The following FBXL19 variants were observed in gnomAD, a reference collection of about 807,000 sequenced individuals.
The protein encoded by FBXL19 is F-box and leucine rich repeat protein 19.
In FBXL19, 16 loss-of-function variants were observed where a neutral mutation model predicts 71.2. The ratio of observed to expected loss-of-function variants is 0.22; its 90% confidence interval spans 0.15 to 0.34. The LOEUF (loss-of-function observed/expected upper bound fraction) is 0.34, where lower values mean the gene tolerates loss of function less well. Ranked by LOEUF, FBXL19 falls within the 10% of genes least tolerant of loss-of-function variation. The pLI, the probability that FBXL19 is intolerant of heterozygous loss-of-function variation, is 1.00. For synonymous variants in FBXL19, 447 were observed against 409.4 expected (o/e 1.09, Z -1.11); for missense variants, 658 against 968.2 (o/e 0.68, Z 4.25).
At position 30,925,981 on chromosome 16, in the gene FBXL19, C is replaced by T. The variant is rs1430707578; in HGVS notation, c.177+50C>T. 5 of 1,430,200 alleles carry T rather than the reference C, an allele frequency of 3.5e-6. No individual in the cohort carries two copies. Among genetic ancestry groups the T allele is most frequent in the Non-Finnish European group, 4.6e-6 (5 of 1,094,686 alleles). 88.6% of individuals were successfully genotyped at this position (1,430,200 alleles called of 1,614,324 possible). A position where few individuals can be genotyped will look rare whatever the true frequency, so the allele number is the denominator to read the frequency against. ...CTCTGCCCACCCTTCCCAATACCTT[C>T]TTGGAATGGCTGGTGACTGCCTCCC... On this transcript the variant is annotated intron_variant, in intron 2 of 10. Transcript: ENST00000338343. This position sits in a 1 kb window ranked among gnomAD's most constrained non-coding sequence, Gnocchi z 5.0.
intron 7 of FBXL19, among the ~76,000 whole-genome samples, chr16:30,933,247 C>T (rs959153055): frequency 6.6e-6 from 1 of 152,158 alleles, no homozygotes; most frequent in Admixed American, 6.5e-5. Context: ...AGGTGATTCG[C>T]CTGCCTCAGC....
rs1489616187 is a variant in FBXL19, at chr16:30,928,550, C to T, written c.711C>T (p.Gly237=). 3 of 1,608,320 alleles carry T rather than the reference C, an allele frequency of 1.9e-6. No homozygotes were observed. The African/African-American group carries it at 4.0e-5, about 22-fold the overall frequency. Residue 237 remains glycine, a synonymous_variant, in exon 6 of 11, where the codon GGC becomes GGT. Coordinates refer to ENST00000338343, the MANE Select transcript of FBXL19 (RefSeq NM_001382779.1). Reference sequence around the variant, plus strand: ...GAGGATCGGACCCAGGCGGCCCGGGCCTGCTGCCCCCCAGGGTTCTGAATC... The same window carrying T: ...GAGGATCGGACCCAGGCGGCCCGGGTCTGCTGCCCCCCAGGGTTCTGAATC... ...LLRGSDPGGP[G]LLPPRVLNPS... is the part of the protein sequence containing the mutation.
At chr16:30,939,912 G>A (rs548279450) in intron 7 of FBXL19, among the ~76,000 whole-genome samples, 8 of 151,818 alleles carry the variant, frequency 5.3e-5, no homozygotes, top group African/African-American at 1.2e-4. Flanking sequence ...GGGAAGGATC[G>A]CTTGAGCTCA....
chr16:30,929,011 C>T (rs538283541), intron 6 of FBXL19, among the ~76,000 whole-genome samples: 12 of 152,272 alleles, frequency 7.9e-5, no homozygotes, highest in African/African-American at 2.2e-4. Flanking sequence ...CCCCTTATCC[C>T]GCAGAAGTGT....
intron 7 of FBXL19, among the ~76,000 whole-genome samples, chr16:30,940,110 T>A (rs1387811505): frequency 6.6e-6 from 1 of 151,890 alleles, no homozygotes; most frequent in Non-Finnish European, 1.5e-5. Flanking sequence ...TACAAAAAAT[T>A]AGCCGGGCGT....
rs1708387613 is a variant in FBXL19, at chr16:30,948,538, A to G, written c.*1308A>G. 1.1e-5 allele frequency: 1 copy of G among 88,402 alleles called. No homozygotes were observed. Among genetic ancestry groups the G allele is most frequent in the Non-Finnish European group, 2.1e-5 (1 of 46,762 alleles). The allele number at this position is 88,402 out of a possible 1,614,324, so 5.5% of individuals were successfully genotyped here. On this transcript the variant is annotated 3_prime_UTR_variant, in exon 11 of 11. Coordinates refer to ENST00000338343, the MANE Select transcript of FBXL19 (RefSeq NM_001382779.1). ...TCCGGGGGGCCGGGGCTTACCATGT[A>G]GGGGAGGGGAGATCTATCCACATAC...
rs999393810 is a variant in FBXL19, at chr16:30,948,369, C to G, written c.*1139C>G. 1 of 152,634 alleles carries G rather than the reference C, an allele frequency of 6.6e-6. No individual in the cohort carries two copies. The highest frequency in any genetic ancestry group is 2.4e-5 in the African/African-American group (1 of 41,456). 9.5% of individuals were successfully genotyped at this position (152,634 alleles called of 1,614,324 possible). A position where few individuals can be genotyped will look rare whatever the true frequency, so the allele number is the denominator to read the frequency against. On this transcript the variant is annotated 3_prime_UTR_variant, in exon 11 of 11. Coordinates refer to ENST00000338343, the MANE Select transcript of FBXL19 (RefSeq NM_001382779.1). ...ACACCTCCCGATGCCAGTGCTAAGG[C>G]TGGAAATGGCCCCCTCTTAGTTGCC...
intron 7 of FBXL19, among the ~76,000 whole-genome samples, chr16:30,940,924 C>T (rs1350342028): frequency 6.6e-6 from 1 of 152,078 alleles, no homozygotes; most frequent in Non-Finnish European, 1.5e-5. Context: ...CCACCTCGGC[C>T]TCCCAAAGTG....
Position 30,927,444 on chromosome 16 carries a change from G to A in FBXL19, c.314G>A (p.Cys105Tyr). ...TICNEIVHPG[C>Y]LKMGKAEGVI... is the part of the protein sequence containing the mutation. The stretch of plus-strand genomic sequence containing the variant: ...TGCAACGAGATCGTCCACCCCGGCT[G>A]CCTGAAGGTGATGGCCCTGGGACCC... Residue 105 changes from cysteine (C) to tyrosine (Y), a missense_variant, in exon 3 of 11, where the codon TGC (cysteine) becomes TAC (tyrosine). By Grantham distance (194) the Cys-to-Tyr change is radical (BLOSUM62 -2). Coordinates refer to ENST00000338343, the MANE Select transcript of FBXL19 (RefSeq NM_001382779.1). 6.3e-7 allele frequency: 1 copy of A among 1,588,420 alleles called. No individual in the cohort carries two copies. The highest frequency in any genetic ancestry group is 2.3e-5 in the East Asian group (1 of 43,672).
At chr16:30,929,996 CT>C in intron 6 of FBXL19, 76 bp from the exon 7 acceptor site, 1 of 1,535,208 alleles carries the variant, frequency 6.5e-7, no homozygotes. Context: ...TGTTCATCCC[CT>C]GGTGACTCCT....
chr16:30,932,839 CTTTTTTT>C (rs1188274971), intron 7 of FBXL19, among the ~76,000 whole-genome samples: 5 of 130,508 alleles, frequency 3.8e-5, no homozygotes, highest in Admixed American at 2.3e-4. Flanking sequence ...GCAATGATAA[CTTTTTTT>C]TTTTTTTTTT....
chr16:30,934,046 C>T (rs1452396859), intron 7 of FBXL19, among the ~76,000 whole-genome samples: 1 of 151,996 alleles, frequency 6.6e-6, no homozygotes, highest in Non-Finnish European at 1.5e-5. Context: ...AGCCACCACG[C>T]CCGGTGTAAG....
At position 30,927,801 on chromosome 16, in the gene FBXL19, C is replaced by T; in HGVS notation, c.465C>T (p.Ser155=). 2.6e-6 allele frequency: 4 copies of T among 1,552,510 alleles called. No homozygotes were observed. The highest frequency in any genetic ancestry group is 3.5e-6 in the Non-Finnish European group (4 of 1,148,714). Residue 155 remains serine (S), a synonymous_variant, in exon 5 of 11, where the codon AGC becomes AGT. Transcript: ENST00000338343. ...RRADNGEEGA[S]LGSGWKLTEE... ...CCGACAACGGCGAGGAGGGCGCCAG[C>T]TTGGGGAGCGGATGGAAGCTGACAG...
intron 6 of FBXL19, among the ~76,000 whole-genome samples, chr16:30,929,681 G>A (rs867796781): frequency 2.0e-5 from 3 of 152,202 alleles, no homozygotes; most frequent in Non-Finnish European, 2.9e-5. Context: ...TCAGCCTCCC[G>A]AGTAGCTGGG....
chr16:30,924,793 TC>T, intron 1 of FBXL19: 1 of 1,446,320 alleles, frequency 6.9e-7, no homozygotes, highest in Non-Finnish European at 9.1e-7. Context: ...GAAGAGACCC[TC>T]CAGGCTTCTA....
intron 7 of FBXL19, among the ~76,000 whole-genome samples, chr16:30,934,986 G>A (rs777409415): frequency 5.3e-5 from 8 of 152,236 alleles, no homozygotes; most frequent in Non-Finnish European, 1.2e-4. Flanking sequence ...GATAATTGGA[G>A]GAGCTCATGG....
At chr16:30,934,049 G>A (rs1323136470) in intron 7 of FBXL19, among the ~76,000 whole-genome samples, 4 of 149,692 alleles carry the variant, frequency 2.7e-5, no homozygotes, top group Admixed American at 6.7e-5. Context: ...CACCACGCCC[G>A]GTGTAAGGAC....
chr16:30,928,440 C>T, intron 5 of FBXL19, 27 bp from the exon 6 acceptor site: 2 of 1,534,258 alleles, frequency 1.3e-6, no homozygotes, highest in East Asian at 2.4e-5. Context: ...CTCTCCCTTC[C>T]TCCATATCTC....
At chr16:30,941,590 C>T (rs2055803152) in intron 7 of FBXL19, among the ~76,000 whole-genome samples, 1 of 152,182 alleles carries the variant, frequency 6.6e-6, no homozygotes, top group African/African-American at 2.4e-5. Context: ...CTGCGGGCAG[C>T]TGGCTGTCAA....
Sources: allele counts gnomAD v4.1 joint callset (sites outside exome capture counted in the v4.1 genomes callset), GRCh38; gene constraint gnomAD v4.1.1; non-coding constraint Gnocchi (gnomAD v3.1); transcripts MANE v1.5; gene names NCBI Gene and HGNC (gene_info 2026-07-23, HGNC 2026-07-21).